VWA3B: variants seen among roughly 807,000 people sequenced by gnomAD.
VWA3B encodes the protein von Willebrand factor A domain-containing protein 3B.
A neutral mutation model predicts 158.3 loss-of-function variants in VWA3B; 138 were observed. The ratio of observed to expected loss-of-function variants is 0.87; its 90% CI spans 0.76 to 1.00. The LOEUF (loss-of-function observed/expected upper bound fraction) is 1.00, where lower values mean the gene tolerates loss of function less well. Ranked by LOEUF, VWA3B falls within the 50% of genes least tolerant of loss-of-function variation. The pLI, the probability that VWA3B is intolerant of heterozygous loss-of-function variation, is 0.00. For synonymous variants in VWA3B, 596 were observed against 587.3 expected (o/e 1.01, Z -0.21); for missense variants, 1,555 against 1,565.1 (o/e 0.99, Z 0.11).
the VWA3B span, among the ~76,000 whole-genome samples, chr2:98,322,021 C>T: frequency 2.6e-5 from 4 of 152,262 alleles, no homozygotes. Context: ...AAGGGGAGTT[C>T]CCTGCACATG....
At chr2:98,100,870 A>C (rs1683030991) in intron 2 of VWA3B, among the ~76,000 whole-genome samples, 1 of 152,078 alleles carries the variant, frequency 6.6e-6, no homozygotes, top group African/African-American at 2.4e-5. Flanking sequence ...AGGTACCGTG[A>C]TCTGTCACCT....
chr2:98,119,784 A>T, intron 4 of VWA3B, 21 bp downstream of exon 4: 1 of 1,609,506 alleles, frequency 6.2e-7, no homozygotes, highest in Non-Finnish European at 8.5e-7. Flanking sequence ...ATAGGAAGGG[A>T]GTATTTTAGT....
intron 5 of VWA3B, among the ~76,000 whole-genome samples, chr2:98,123,821 T>C (rs554398278): frequency 6.6e-6 from 1 of 152,162 alleles, no homozygotes; most frequent in African/African-American, 2.4e-5. Flanking sequence ...GGAAGGGTGG[T>C]GTACAGGATG....
chr2:98,212,794 G>A, intron 13 of VWA3B, among the ~76,000 whole-genome samples: 1 of 143,190 alleles, frequency 7.0e-6, no homozygotes, highest in East Asian at 2.0e-4. Context: ...AGTGTGTAAA[G>A]TGAAAATTTA....
chr2:98,286,629 A>G (rs1197084908), intron 22 of VWA3B, among the ~76,000 whole-genome samples: 3 of 152,122 alleles, frequency 2.0e-5, no homozygotes, highest in Non-Finnish European at 4.4e-5. Context: ...GACAAATCCG[A>G]CTTGGCCATT....
chr2:98,216,461 G>A (rs1385735886), intron 13 of VWA3B, among the ~76,000 whole-genome samples: 1 of 152,264 alleles, frequency 6.6e-6, no homozygotes, highest in African/African-American at 2.4e-5. Context: ...CATAGGGTAT[G>A]TGAGGGCAGG....
rs562478283 is a variant in VWA3B at position 98,093,218 on chromosome 2, G to C, written c.126G>C (p.Leu42=). Residue 42 remains leucine, a synonymous_variant, in exon 2 of 28, where the codon CTG becomes CTC. Transcript: ENST00000477737. ...TTTCATCTGAGAAATGGCTTCAACT[G>C]CATGGGCTTAAGAGCAACAAATTGA... is the stretch of plus-strand genomic sequence containing the variant. ...SLISSEKWLQ[L]HGLKSNKLTL... The C allele has an allele frequency of 6.2e-7, 1 of 1,614,130 alleles. No individual in the cohort carries two copies. The highest frequency in any genetic ancestry group is 1.1e-5 in the South Asian group (1 of 91,076).
intron 2 of VWA3B, 135 bp from the exon 3 acceptor site, chr2:98,115,517 G>A (rs950400746): frequency 4.5e-6 from 3 of 667,890 alleles, no homozygotes; most frequent in Non-Finnish European, 2.6e-6. Context: ...ATTTAGAACA[G>A]AATAGAAAGC....
intron 7 of VWA3B, among the ~76,000 whole-genome samples, chr2:98,144,777 G>A (rs1677045301): frequency 6.6e-6 from 1 of 151,760 alleles, no homozygotes; most frequent in Non-Finnish European, 1.5e-5. Context: ...ATGTTGACTA[G>A]TCTGGTCTTG....
At chr2:98,184,795 G>A (rs1204331924) in intron 9 of VWA3B, among the ~76,000 whole-genome samples, 1 of 152,214 alleles carries the variant, frequency 6.6e-6, no homozygotes, top group Non-Finnish European at 1.5e-5. Context: ...CCTGGGGTGG[G>A]TGGTGGCCTC....
intron 5 of VWA3B, among the ~76,000 whole-genome samples, chr2:98,122,685 C>G (rs745459212): frequency 6.6e-6 from 1 of 152,188 alleles, no homozygotes; most frequent in Non-Finnish European, 1.5e-5. Context: ...GTCTATGAAC[C>G]TGGCTATTGT....
At chr2:98,299,413 A>G (rs900819290) in intron 24 of VWA3B, among the ~76,000 whole-genome samples, 2 of 152,208 alleles carry the variant, frequency 1.3e-5, no homozygotes, top group African/African-American at 4.8e-5. Flanking sequence ...GCCTGGGATT[A>G]GAGGGAAATC....
At chr2:98,121,256 C>T in intron 4 of VWA3B, 43 bp from the exon 5 acceptor site, 2 of 1,595,804 alleles carry the variant, frequency 1.3e-6, no homozygotes, top group African/African-American at 1.3e-5. Context: ...ATCCCAGTAG[C>T]ACTGATCACT....
chr2:98,172,984 A>T (rs1394575790), intron 8 of VWA3B, among the ~76,000 whole-genome samples: 1 of 152,240 alleles, frequency 6.6e-6, no homozygotes, highest in Non-Finnish European at 1.5e-5. Flanking sequence ...TTGGACTCTG[A>T]TAGCCACAGA....
At chr2:98,234,456 G>A (rs999544963) in intron 16 of VWA3B, among the ~76,000 whole-genome samples, 192 bp from the exon 17 acceptor site, 10 of 152,324 alleles carry the variant, frequency 6.6e-5, no homozygotes, top group Non-Finnish European at 1.0e-4. Flanking sequence ...TCTCCAGGAG[G>A]GGTCCAGCTG....
At chr2:98,178,063 G>A (rs1339206622) in intron 8 of VWA3B, among the ~76,000 whole-genome samples, 1 of 152,108 alleles carries the variant, frequency 6.6e-6, no homozygotes, top group African/African-American at 2.4e-5. Flanking sequence ...TGAAGAAAAT[G>A]TCACCCCAAG....
intron 22 of VWA3B, among the ~76,000 whole-genome samples, chr2:98,273,229 T>G (rs973757628): frequency 6.6e-6 from 1 of 152,254 alleles, no homozygotes; most frequent in Non-Finnish European, 1.5e-5. Context: ...GATACTGGTT[T>G]AGCCTGGCTT....
chr2:98,101,758 C>T (rs1037822805), intron 2 of VWA3B, among the ~76,000 whole-genome samples: 1 of 151,772 alleles, frequency 6.6e-6, no homozygotes, highest in Admixed American at 6.6e-5. Flanking sequence ...TGAGTAGGGT[C>T]TCCCAGAGTC....
chr2:98,130,902 CTTAT>C (rs900039509), intron 6 of VWA3B, among the ~76,000 whole-genome samples: 5 of 152,180 alleles, frequency 3.3e-5, no homozygotes, highest in Non-Finnish European at 7.3e-5. Flanking sequence ...TGTGCATCAC[CTTAT>C]TTATCATTTC....
Sources: allele counts gnomAD v4.1 joint callset (sites outside exome capture counted in the v4.1 genomes callset), GRCh38; gene constraint gnomAD v4.1.1; transcripts MANE v1.5; gene names NCBI Gene and HGNC (gene_info 2026-07-23, HGNC 2026-07-21).